NELL2: variants seen among roughly 807,000 people sequenced by gnomAD.
NELL2 encodes the protein protein kinase C-binding protein NELL2.
NELL2 carries 41 observed loss-of-function variants against 109.6 expected under a neutral mutation model. That is an observed-to-expected ratio of 0.37 (90% CI 0.29 to 0.49). NELL2 has a LOEUF of 0.49. NELL2 is among the 20% of genes least tolerant of loss of function. The probability of loss-of-function intolerance (pLI) is 0.98; values close to 1 mark genes in which losing one functional copy is unlikely to be tolerated. For missense variants in NELL2, 900 were observed against 1,008.3 expected (o/e 0.89, Z 1.45); for synonymous variants, 355 against 344.7 (o/e 1.03, Z -0.33).
chr12:44,780,551 G>C (rs774842443), intron 3 of NELL2, among the ~76,000 whole-genome samples: 2 of 151,714 alleles, frequency 1.3e-5, no homozygotes, highest in Non-Finnish European at 2.9e-5. Flanking sequence ...GCCAAGTTTA[G>C]AGCCAAGAAT....
At chr12:44,886,105 AAGG>A (rs1945469300) in intron 1 of NELL2, among the ~76,000 whole-genome samples, 1 of 132,266 alleles carries the variant, frequency 7.6e-6, no homozygotes, top group Non-Finnish European at 1.6e-5. Context: ...GGAAGGAAGG[AAGG>A]AAGGAAGGAA....
intron 13 of NELL2, among the ~76,000 whole-genome samples, chr12:44,659,960 C>T (rs149171497): frequency 6.6e-6 from 1 of 152,090 alleles, no homozygotes; most frequent in Non-Finnish European, 1.5e-5. Context: ...TTTGAGGGGC[C>T]CTAAGAAATT....
chr12:44,564,877 C>T (rs1042843088), intron 15 of NELL2, among the ~76,000 whole-genome samples: 4 of 152,124 alleles, frequency 2.6e-5, no homozygotes, highest in African/African-American at 4.8e-5. Context: ...TGGTATATCC[C>T]CTCTATCAAC....
chr12:44,605,229 G>A (rs1945356620), intron 15 of NELL2, among the ~76,000 whole-genome samples: 1 of 152,084 alleles, frequency 6.6e-6, no homozygotes, highest in South Asian at 2.1e-4. Context: ...TCTGATGCTA[G>A]GAAAAAGGAA....
intron 1 of NELL2, among the ~76,000 whole-genome samples, chr12:44,920,414 A>T (rs1302690365): frequency 2.0e-5 from 3 of 152,166 alleles, no homozygotes; most frequent in Admixed American, 2.0e-4. Context: ...GTCACTAAAA[A>T]GATGTGGAAG....
intron 13 of NELL2, among the ~76,000 whole-genome samples, chr12:44,661,254 A>T (rs1170408642): frequency 6.6e-6 from 1 of 152,222 alleles, no homozygotes; most frequent in Non-Finnish European, 1.5e-5. Context: ...AAGATGTTGG[A>T]GGTGGGCCAG....
Position 44,833,635 on chromosome 12 carries a change from G to A in NELL2, c.185-17499C>T, listed in dbSNP as rs142628966. ...GAATTTTCTTTTCCAAGGCTTGGAA[G>A]ACAAAACAATGTGCCTATCTTGCTG... On this transcript the variant is annotated intron_variant, in intron 2 of 19. Coordinates refer to ENST00000429094, the MANE Select transcript of NELL2 (RefSeq NM_001145108.2). Among the ~76,000 whole-genome samples, 231 of 152,288 alleles carry A rather than the reference G, an allele frequency of 1.5e-3. 1 individual carries two copies. The highest frequency in any genetic ancestry group is 5.4e-3 in the African/African-American group (226 of 41,562).
At position 44,780,087 on chromosome 12, in the gene NELL2, C is replaced by T. The variant is rs988061898; in HGVS notation, c.336-65G>A. The T allele has an allele frequency of 1.9e-6, 3 of 1,546,012 alleles. No homozygotes were observed. The African/African-American group carries it at 4.1e-5, about 21-fold the overall frequency. On this transcript the variant is annotated intron_variant, in intron 3 of 19. Transcript: ENST00000429094. ...AGTTCAAAAACGATTGAAGTGATCT[C>T]TGTCTACGGGATGGAATAGATGTAC...
At chr12:44,846,625 T>C (rs1407129406) in intron 2 of NELL2, among the ~76,000 whole-genome samples, 3 of 152,180 alleles carry the variant, frequency 2.0e-5, no homozygotes, top group Non-Finnish European at 4.4e-5. Flanking sequence ...TTTCAGACAA[T>C]ATGCAAAAGT....
intron 18 of NELL2, among the ~76,000 whole-genome samples, chr12:44,521,303 G>A (rs1941514784): frequency 6.6e-6 from 1 of 152,100 alleles, no homozygotes; most frequent in Non-Finnish European, 1.5e-5. Context: ...GGCCGAGGCG[G>A]GCGGATCACG....
chr12:44,744,060 C>G (rs1250924656), intron 9 of NELL2, among the ~76,000 whole-genome samples: 2 of 152,122 alleles, frequency 1.3e-5, no homozygotes, highest in African/African-American at 2.4e-5. Context: ...GTAAAGCACT[C>G]CTCAGCAAAT....
chr12:44,584,611 C>A (rs1297994443), intron 15 of NELL2, among the ~76,000 whole-genome samples: 1 of 152,206 alleles, frequency 6.6e-6, no homozygotes, highest in Non-Finnish European at 1.5e-5. Flanking sequence ...CATTTCTAGT[C>A]CCCAAATATC....
chr12:44,910,750 A>G (rs1192503020), intron 1 of NELL2, among the ~76,000 whole-genome samples: 1 of 152,062 alleles, frequency 6.6e-6, no homozygotes, highest in Admixed American at 6.6e-5. Flanking sequence ...AATGTGGTAC[A>G]TATATATGTG....
chr12:44,908,203 C>T (rs891874333), intron 1 of NELL2, among the ~76,000 whole-genome samples: 1 of 151,462 alleles, frequency 6.6e-6, no homozygotes, highest in African/African-American at 2.4e-5. Context: ...GAAGTGAGAC[C>T]CATAAGCCTA....
intron 15 of NELL2, among the ~76,000 whole-genome samples, chr12:44,573,415 G>A (rs570649761): frequency 2.0e-5 from 3 of 152,260 alleles, no homozygotes; most frequent in East Asian, 3.9e-4. Flanking sequence ...AGGAGAAAGT[G>A]TAACTCCAAA....
intron 13 of NELL2, among the ~76,000 whole-genome samples, chr12:44,635,205 G>A (rs181051409): frequency 3.1e-4 from 47 of 152,042 alleles, no homozygotes; most frequent in African/African-American, 1.1e-3. Context: ...TGGATAGATT[G>A]CAAAAATCTT....
At chr12:44,913,873 T>C (rs1945805686) in exon 1 of NELL2, 3 of 660,574 alleles carry the variant, frequency 4.5e-6, no homozygotes, top group Non-Finnish European at 7.2e-6. Flanking sequence ...CTTTTTTCAC[T>C]TTTAGATTGA....
intron 3 of NELL2, among the ~76,000 whole-genome samples, chr12:44,797,793 C>A (rs1438557357): frequency 6.7e-6 from 1 of 148,498 alleles, no homozygotes; most frequent in Non-Finnish European, 1.5e-5. Flanking sequence ...AAATCCAATT[C>A]TTTGACAAAT....
At chr12:44,912,164 C>CT in intron 1 of NELL2, among the ~76,000 whole-genome samples, 2 of 151,790 alleles carry the variant, frequency 1.3e-5, no homozygotes, top group South Asian at 4.2e-4. Flanking sequence ...CATTTAGTTA[C>CT]TTGTGAAGAA....
Sources: allele counts gnomAD v4.1 joint callset (sites outside exome capture counted in the v4.1 genomes callset), GRCh38; gene constraint gnomAD v4.1.1; transcripts MANE v1.5; gene names NCBI Gene and HGNC (gene_info 2026-07-23, HGNC 2026-07-21).